Variants in NRP1 observed in about 807,000 individuals in gnomAD.
NRP1 encodes neuropilin-1.
A neutral mutation model predicts 106.7 loss-of-function variants in NRP1; 35 were observed. The ratio of observed to expected loss-of-function variants is 0.33; its 90% CI spans 0.25 to 0.43. The LOEUF is 0.43. Among genes scored for constraint, NRP1 ranks in the 20% least tolerant of loss-of-function variants. The pLI, the probability that NRP1 is intolerant of heterozygous loss-of-function variation, is 1.00. For synonymous variants in NRP1, 437 were observed against 417.9 expected (o/e 1.05, Z -0.56); for missense variants, 1,024 against 1,170.4 (o/e 0.87, Z 1.83).
At position 33,286,111 on chromosome 10, in the gene NRP1, G is replaced by A. The variant is rs180743531; in HGVS notation, c.249-15255C>T. Among the ~76,000 whole-genome samples the A allele has an allele frequency of 5.9e-5, 9 of 152,228 alleles. No individual in the cohort carries two copies. In the East Asian group the frequency reaches 1.7e-3, roughly 29 times the overall value. ...CACCGTGATTTCACTTCCCTATGAT[G>A]AGTTTCTAATTTTATGGTATTATGA... On this transcript the variant is annotated intron_variant, in intron 2 of 16. Transcript: ENST00000374867.
At chr10:33,308,468 C>T (rs981698464) in intron 2 of NRP1, among the ~76,000 whole-genome samples, 7 of 151,228 alleles carry the variant, frequency 4.6e-5, no homozygotes, top group African/African-American at 1.7e-4. Flanking sequence ...AGGATAAAAG[C>T]TGTCTATAGA....
chr10:33,228,164 G>A (rs966111749), intron 6 of NRP1, among the ~76,000 whole-genome samples: 1 of 151,882 alleles, frequency 6.6e-6, no homozygotes, highest in African/African-American at 2.4e-5. Context: ...ACAAATATAT[G>A]GCAAATATTT....
chr10:33,192,562 AT>A, intron 12 of NRP1, 144 bp from the exon 13 acceptor site: 1 of 829,686 alleles, frequency 1.2e-6, no homozygotes, highest in Non-Finnish European at 1.8e-6. Flanking sequence ...GAAAGCCAGG[AT>A]TACCAAGAAA....
chr10:33,327,863 C>T (rs150801254), intron 2 of NRP1, among the ~76,000 whole-genome samples: 163 of 152,228 alleles, frequency 1.1e-3, no homozygotes, highest in African/African-American at 3.7e-3. Context: ...CTTCCTATAT[C>T]TTTCTGGAGT....
At chr10:33,292,791 C>T (rs1300851300) in intron 2 of NRP1, among the ~76,000 whole-genome samples, 2 of 152,254 alleles carry the variant, frequency 1.3e-5, no homozygotes, top group East Asian at 3.9e-4. Flanking sequence ...AGTTCGAGAC[C>T]AGCCTGGCCA....
chr10:33,243,154 C>T (rs759817874), intron 6 of NRP1, among the ~76,000 whole-genome samples: 4 of 152,162 alleles, frequency 2.6e-5, no homozygotes, highest in South Asian at 2.1e-4. Context: ...AAAAAGGCCC[C>T]GCGAGTGAAG....
intron 2 of NRP1, among the ~76,000 whole-genome samples, chr10:33,272,820 C>T (rs976830902): frequency 6.6e-6 from 1 of 152,026 alleles, no homozygotes; most frequent in South Asian, 2.1e-4. Flanking sequence ...TACTTGAATC[C>T]TGACATGGTC....
chr10:33,192,312 G>T lies in NRP1; in HGVS notation c.2031C>A (p.Thr677=), dbSNP rs568693624. The T allele has an allele frequency of 6.2e-7, 1 of 1,613,786 alleles. No individual in the cohort carries two copies. Among genetic ancestry groups the T allele is most frequent in the Non-Finnish European group, 8.5e-7 (1 of 1,179,806 alleles). Residue 677 remains threonine (T), a synonymous_variant, in exon 13 of 17, where the codon ACC becomes ACA. Transcript: ENST00000374867. ...GATCCTGAATGGGTCCCGTCTTGCT[G>T]GTCAACACACTCCACTTGAGCTGCA... is the stretch of plus-strand genomic sequence containing the variant. ...NHVQLKWSVL[T]SKTGPIQDHT... is the part of the protein sequence containing the mutation.
intron 9 of NRP1, chr10:33,212,026 A>T (rs1838343791): frequency 6.6e-6 from 1 of 152,208 alleles, no homozygotes; most frequent in African/African-American, 2.4e-5. Flanking sequence ...TATCCTTTCC[A>T]AGTTGCTGTT....
intron 5 of NRP1, among the ~76,000 whole-genome samples, chr10:33,254,551 T>A (rs1432475760): frequency 2.0e-5 from 3 of 152,216 alleles, no homozygotes; most frequent in Non-Finnish European, 4.4e-5. Flanking sequence ...AAGTTGCATT[T>A]AAAATAAAAT....
intron 11 of NRP1, among the ~76,000 whole-genome samples, chr10:33,198,088 G>A (rs1287107877): frequency 1.3e-5 from 1 of 74,522 alleles, no homozygotes; most frequent in African/African-American, 5.4e-5. Flanking sequence ...TTTTTTTTTT[G>A]GTGAGAACAC....
At chr10:33,217,353 A>ATTCC (rs1329849726) in intron 8 of NRP1, among the ~76,000 whole-genome samples, 1 of 150,684 alleles carries the variant, frequency 6.6e-6, no homozygotes, top group Non-Finnish European at 1.5e-5. Context: ...TGAGACTGTT[A>ATTCC]TTCCTTCCAT....
Position 33,282,899 on chromosome 10 carries a change from C to A in NRP1, c.249-12043G>T, listed in dbSNP as rs76952672. The stretch of plus-strand genomic sequence containing the variant: ...TAGCTGGGACCACAGGTGCCCACCA[C>A]CACACCCAGCTGAGTTTTGTATTTT... On this transcript the variant is annotated intron_variant, in intron 2 of 16. Coordinates refer to ENST00000374867, the MANE Select transcript of NRP1 (RefSeq NM_003873.7). Among the ~76,000 whole-genome samples, 124 of 152,278 alleles carry A rather than the reference C, an allele frequency of 8.1e-4. 1 individual carries two copies. The East Asian group carries it at 0.022, about 28-fold the overall frequency.
intron 6 of NRP1, chr10:33,249,609 A>G: frequency 2.2e-6 from 1 of 446,416 alleles, no homozygotes; most frequent in South Asian, 1.7e-5. Context: ...TAAGATCAGC[A>G]GCTCTGGGAC....
At chr10:33,230,592 CAT>C (rs1174107198) in intron 6 of NRP1, among the ~76,000 whole-genome samples, 50 of 125,364 alleles carry the variant, frequency 4.0e-4, no homozygotes, top group African/African-American at 7.2e-4. Context: ...ATTAGTTTCT[CAT>C]ATATGTGTGT....
chr10:33,262,703 C>CAAAA lies in NRP1; in HGVS notation c.658+939_658+942dup, dbSNP rs3035285. On this transcript the variant is annotated intron_variant, in intron 4 of 16. Transcript: ENST00000374867. ...GGGTGACAAGAGCAAAACTCTGTCT[C>CAAAA]AAAAAAAAAAAAAAAAAAAGTCTAA... Among the ~76,000 whole-genome samples, 177 of 100,766 alleles carry CAAAA rather than the reference C, an allele frequency of 1.8e-3. 2 individuals carry two copies. Among genetic ancestry groups the CAAAA allele is most frequent in the African/African-American group, 6.1e-3 (167 of 27,410 alleles). 66.1% of individuals were successfully genotyped at this position (100,766 alleles called of 152,430 possible).
At chr10:33,316,104 C>T (rs115606719) in intron 2 of NRP1, among the ~76,000 whole-genome samples, 338 of 152,218 alleles carry the variant, frequency 2.2e-3, no homozygotes, top group African/African-American at 7.7e-3. Context: ...AGGGAGGAAA[C>T]GGGGAACTCT....
intron 3 of NRP1, among the ~76,000 whole-genome samples, chr10:33,264,339 TA>T: frequency 6.6e-6 from 1 of 152,336 alleles, no homozygotes; most frequent in Admixed American, 6.5e-5. Flanking sequence ...AGTGACTCAG[TA>T]ACTCTGCCAG....
At chr10:33,255,170 A>G (rs1295252151) in intron 5 of NRP1, among the ~76,000 whole-genome samples, 1 of 152,256 alleles carries the variant, frequency 6.6e-6, no homozygotes, top group African/African-American at 2.4e-5. Flanking sequence ...ATAAGGTTTT[A>G]GGGCATACAA....
Sources: allele counts gnomAD v4.1 joint callset (sites outside exome capture counted in the v4.1 genomes callset), GRCh38; gene constraint gnomAD v4.1.1; transcripts MANE v1.5; gene names NCBI Gene and HGNC (gene_info 2026-07-23, HGNC 2026-07-21).